Variants in KIAA1328 observed in about 807,000 individuals in gnomAD.
The protein encoded by KIAA1328 is KIAA1328.
KIAA1328 carries 52 observed loss-of-function variants against 68.1 expected under a neutral mutation model. The ratio of observed to expected loss-of-function variants is 0.76; its 90% CI spans 0.61 to 0.96. The LOEUF (loss-of-function observed/expected upper bound fraction) is 0.96, where lower values mean the gene tolerates loss of function less well. KIAA1328 is among the 40% of genes least tolerant of loss of function. The pLI is 0.00. For missense variants in KIAA1328, 641 were observed against 677.6 expected (o/e 0.95, Z 0.60); for synonymous variants, 232 against 239.4 (o/e 0.97, Z 0.28).
intron 9 of KIAA1328, among the ~76,000 whole-genome samples, chr18:37,180,229 C>A (rs1179449434): frequency 4.6e-5 from 7 of 152,090 alleles, no homozygotes; most frequent in African/African-American, 1.7e-4. Flanking sequence ...AATTGCATCA[C>A]AATCCTGTGA....
intron 7 of KIAA1328, among the ~76,000 whole-genome samples, chr18:37,095,116 G>C (rs1252262920): frequency 6.6e-6 from 1 of 152,094 alleles, no homozygotes; most frequent in Non-Finnish European, 1.5e-5. Flanking sequence ...GAGAGAAATA[G>C]CCCTAAATAC....
At chr18:36,895,653 T>G (rs527746462) in intron 5 of KIAA1328, 21 of 427,086 alleles carry the variant, frequency 4.9e-5, no homozygotes, top group African/African-American at 2.6e-4. Flanking sequence ...GTTCGTTTGC[T>G]TATGTATTTA....
chr18:37,195,678 A>G (rs1360751276), intron 9 of KIAA1328, among the ~76,000 whole-genome samples: 1 of 152,182 alleles, frequency 6.6e-6, no homozygotes, highest in Non-Finnish European at 1.5e-5. Flanking sequence ...TGCCAGTACC[A>G]TGCTGTTTTG....
chr18:37,173,080 C>G lies in KIAA1328; in HGVS notation c.1522C>G (p.Arg508Gly). The G allele has an allele frequency of 2.5e-6, 4 of 1,602,614 alleles. No homozygotes were observed. The highest frequency in any genetic ancestry group is 3.4e-6 in the Non-Finnish European group (4 of 1,171,704). ...ACCATCATTACAGCACACCACCTCC[C>G]GGTAAGCTTCAGAGATTCTTTAGTT... ...ASPSLQHTTS[R>G]YETSLLDLVQ... Residue 508 changes from arginine to glycine, a missense_variant and splice_region_variant, in exon 9 of 10, where the codon CGG becomes GGG. Physicochemically the swap from Arg to Gly is moderately radical, Grantham distance 125. Coordinates refer to ENST00000280020, the MANE Select transcript of KIAA1328 (RefSeq NM_020776.3).
At chr18:36,929,971 G>A (rs1473510220) in intron 5 of KIAA1328, among the ~76,000 whole-genome samples, 1 of 152,100 alleles carries the variant, frequency 6.6e-6, no homozygotes, top group African/African-American at 2.4e-5. Flanking sequence ...TGCTTTCTAC[G>A]AGAGAAGGAT....
chr18:37,041,068 T>C (rs570767561), intron 6 of KIAA1328, among the ~76,000 whole-genome samples: 1 of 152,008 alleles, frequency 6.6e-6, no homozygotes, highest in Non-Finnish European at 1.5e-5. Context: ...TTCAGTCAAG[T>C]TGATTAGTAG....
chr18:36,856,400 G>A (rs994688947), intron 4 of KIAA1328, among the ~76,000 whole-genome samples: 6 of 151,760 alleles, frequency 4.0e-5, no homozygotes, highest in South Asian at 2.1e-4. Flanking sequence ...AATTTCAATT[G>A]TCCCACCTTC....
At chr18:36,882,033 T>G (rs1211926616) in intron 4 of KIAA1328, among the ~76,000 whole-genome samples, 1 of 152,216 alleles carries the variant, frequency 6.6e-6, no homozygotes, top group African/African-American at 2.4e-5. Context: ...TTGAAGTGAT[T>G]GTGCCATTTT....
At chr18:36,920,017 A>AGGTTATTT (rs1274976185) in intron 5 of KIAA1328, among the ~76,000 whole-genome samples, 1 of 152,090 alleles carries the variant, frequency 6.6e-6, no homozygotes, top group Admixed American at 6.5e-5. Context: ...CCCGTTCTGT[A>AGGTTATTT]GGTTATTTAT....
chr18:36,894,135 T>C (rs1009858026), intron 5 of KIAA1328, among the ~76,000 whole-genome samples: 1 of 152,202 alleles, frequency 6.6e-6, no homozygotes, highest in African/African-American at 2.4e-5. Flanking sequence ...CACCAAGTGT[T>C]CTGCTTTTTT....
At position 36,875,433 on chromosome 18, in the gene KIAA1328, G is replaced by A. The variant is rs1014246664; in HGVS notation, c.333-10124G>A. ...TATTTATTCTCTTTGTAGCAATGGTGAATGGGAGTTCACTCATGATTTGGC... is the reference window on the plus strand; with the variant it reads ...TATTTATTCTCTTTGTAGCAATGGTAAATGGGAGTTCACTCATGATTTGGC... On this transcript the variant is annotated intron_variant, in intron 4 of 9. Transcript: ENST00000280020. Among the ~76,000 whole-genome samples, 4 of 152,184 alleles carry A rather than the reference G, an allele frequency of 2.6e-5. No individual in the cohort carries two copies. The South Asian group carries it at 8.3e-4, about 32-fold the overall frequency.
At chr18:37,109,595 G>C (rs932207621) in intron 7 of KIAA1328, among the ~76,000 whole-genome samples, 10 of 151,830 alleles carry the variant, frequency 6.6e-5, no homozygotes, top group Non-Finnish European at 1.2e-4. Flanking sequence ...TGAAAGTAGG[G>C]GTTAGAAAGC....
intron 7 of KIAA1328, among the ~76,000 whole-genome samples, chr18:37,150,288 G>A (rs1206151096): frequency 2.0e-5 from 3 of 152,104 alleles, no homozygotes; most frequent in Non-Finnish European, 4.4e-5. Context: ...GTTGTGAGAG[G>A]CTGTCCTGTG....
chr18:37,192,941 G>A (rs2059933880), intron 9 of KIAA1328, among the ~76,000 whole-genome samples: 1 of 152,128 alleles, frequency 6.6e-6, no homozygotes, highest in African/African-American at 2.4e-5. Flanking sequence ...AGGAAGAAAA[G>A]AAATTCTTCT....
At chr18:37,166,502 C>G (rs1472170768) in intron 8 of KIAA1328, among the ~76,000 whole-genome samples, 1 of 152,044 alleles carries the variant, frequency 6.6e-6, no homozygotes, top group Admixed American at 6.6e-5. Context: ...ACAGTTCTCC[C>G]AAGGTGTCCT....
chr18:37,210,100 G>A (rs1336965759), intron 9 of KIAA1328, among the ~76,000 whole-genome samples: 5 of 152,250 alleles, frequency 3.3e-5, no homozygotes, highest in Middle Eastern at 3.4e-3. Flanking sequence ...CAGTAACATC[G>A]TTAGTTTCTC....
intron 6 of KIAA1328, among the ~76,000 whole-genome samples, chr18:37,063,095 G>T (rs1304843672): frequency 6.8e-6 from 1 of 147,540 alleles, no homozygotes; most frequent in Admixed American, 6.8e-5. Context: ...GTGCAGGTTT[G>T]TTACATATGT....
intron 7 of KIAA1328, among the ~76,000 whole-genome samples, chr18:37,154,908 C>T (rs2059121433): frequency 6.6e-6 from 1 of 152,106 alleles, no homozygotes; most frequent in South Asian, 2.1e-4. Flanking sequence ...TCTTCCTGGA[C>T]CGAATGGTTG....
chr18:37,116,413 G>C (rs930331046), intron 7 of KIAA1328, among the ~76,000 whole-genome samples: 1 of 152,144 alleles, frequency 6.6e-6, no homozygotes, highest in Non-Finnish European at 1.5e-5. Context: ...AATGGGGAAA[G>C]GATTCCCTAT....
Sources: allele counts gnomAD v4.1 joint callset (sites outside exome capture counted in the v4.1 genomes callset), GRCh38; gene constraint gnomAD v4.1.1; transcripts MANE v1.5; gene names NCBI Gene and HGNC (gene_info 2026-07-23, HGNC 2026-07-21).